Variants in MAP4K4 observed in about 807,000 individuals in gnomAD.
The protein encoded by MAP4K4 is HPK/GCK-like kinase HGK.
MAP4K4 carries 38 observed loss-of-function variants against 189.6 expected under a neutral mutation model. The ratio of observed to expected loss-of-function variants is 0.20; its 90% confidence interval spans 0.15 to 0.26. The LOEUF (loss-of-function observed/expected upper bound fraction) is 0.26. MAP4K4 is among the 10% of genes least tolerant of loss of function. MAP4K4 has a pLI of 1.00. For missense variants in MAP4K4, 1,054 were observed against 1,726.9 expected (o/e 0.61, Z 6.91); for synonymous variants, 610 against 624.3 (o/e 0.98, Z 0.34).
intron 2 of MAP4K4, among the ~76,000 whole-genome samples, chr2:101,740,130 T>C (rs1026733237): frequency 6.6e-6 from 1 of 151,128 alleles, no homozygotes. Context: ...CTTTCTTGGC[T>C]TCAAAGTTGC....
intron 3 of MAP4K4, among the ~76,000 whole-genome samples, chr2:101,820,904 T>C (rs577141769): frequency 2.0e-5 from 3 of 152,338 alleles, no homozygotes; most frequent in South Asian, 4.1e-4. Flanking sequence ...GATAAAACTT[T>C]TGAGGCATTA....
chr2:101,760,591 T>G (rs952001616), intron 2 of MAP4K4, among the ~76,000 whole-genome samples: 44 of 151,690 alleles, frequency 2.9e-4, no homozygotes, highest in African/African-American at 1.0e-3. Flanking sequence ...CTATTTTGGT[T>G]CTTAAAGTGG....
intron 32 of MAP4K4, 123 bp from the exon 33 acceptor site, chr2:101,891,043 G>T (rs188904511): frequency 2.8e-5 from 21 of 737,956 alleles, no homozygotes; most frequent in Middle Eastern, 3.7e-4. Context: ...CTTTTGAAAA[G>T]GCTCTTTGGG....
chr2:101,820,689 C>G (rs1330587087), intron 3 of MAP4K4, among the ~76,000 whole-genome samples: 1 of 152,172 alleles, frequency 6.6e-6, no homozygotes, highest in Non-Finnish European at 1.5e-5. Flanking sequence ...TTTTCAGGAG[C>G]CTGCCTGTCT....
rs1418053197 is a variant in MAP4K4 at position 101,888,862 on chromosome 2, C to T, written c.3998C>T (p.Thr1333Ile). Residue 1333 changes from threonine (T) to isoleucine (I), a missense_variant, in exon 32 of 33, where the codon ACT (threonine) becomes ATT (isoleucine). Thr to Ile is a moderately conservative substitution (Grantham distance 89, BLOSUM62 -1). Coordinates refer to ENST00000324219, the Ensembl canonical transcript of MAP4K4. ...GCCATAGAGATCCGATCTGTGGAAA[C>T]TGGTCACTTGGATGGTGTGTTCATG... is the stretch of plus-strand genomic sequence containing the variant. The T allele has an allele frequency of 1.9e-6, 3 of 1,613,578 alleles. No individual in the cohort carries two copies. The highest frequency in any genetic ancestry group is 1.3e-5 in the African/African-American group (1 of 74,906).
At chr2:101,717,692 C>T (rs977999889) in intron 2 of MAP4K4, among the ~76,000 whole-genome samples, 3 of 152,146 alleles carry the variant, frequency 2.0e-5, no homozygotes, top group African/African-American at 4.8e-5. Flanking sequence ...GAAACAGTCT[C>T]ACAAGCAATG....
At chr2:101,787,647 A>G (rs766058433) in intron 2 of MAP4K4, among the ~76,000 whole-genome samples, 1 of 152,150 alleles carries the variant, frequency 6.6e-6, no homozygotes, top group Non-Finnish European at 1.5e-5. Flanking sequence ...TCCTTAGCAC[A>G]CAATTATATG....
At chr2:101,750,685 C>A (rs927431878) in intron 2 of MAP4K4, among the ~76,000 whole-genome samples, 1 of 151,550 alleles carries the variant, frequency 6.6e-6, no homozygotes, top group African/African-American at 2.4e-5. Flanking sequence ...GTTAGCCAGG[C>A]GTGGTGGTGC....
chr2:101,784,264 GTGTGTGTGTGTGTGTGTGTGTGTA>G (rs1013180099), intron 2 of MAP4K4, among the ~76,000 whole-genome samples: 2 of 60,638 alleles, frequency 3.3e-5, no homozygotes, highest in South Asian at 3.6e-4. Context: ...GATGCTCTTC[GTGTGTGTGTGTGTGTGTGTGTGTA>G]TGTGTGTGTG....
In MAP4K4 at chr2:101,887,715, C is replaced by T. The variant is rs539350073; in HGVS notation, c.3772-63C>T. On this transcript the variant is annotated intron_variant, in intron 30 of 32. Coordinates refer to ENST00000324219, the Ensembl canonical transcript of MAP4K4. Reference sequence around the variant, plus strand: ...TGCATTCACTAAGAGTCTTACTGAGCACTTGCACAGGGCTGGAAATAACCA... The same window carrying T: ...TGCATTCACTAAGAGTCTTACTGAGTACTTGCACAGGGCTGGAAATAACCA... 7.4e-5 allele frequency: 99 copies of T among 1,331,384 alleles called. No individual in the cohort carries two copies. In the South Asian group the frequency reaches 1.4e-3, roughly 19 times the overall value. 82.5% of individuals were successfully genotyped at this position (1,331,384 alleles called of 1,614,324 possible). A position where few individuals can be genotyped will look rare whatever the true frequency, so the allele number is the denominator to read the frequency against.
intron 2 of MAP4K4, among the ~76,000 whole-genome samples, chr2:101,779,838 A>G (rs1044796287): frequency 1.9e-4 from 29 of 150,938 alleles, no homozygotes. Flanking sequence ...GAGGGACAAT[A>G]CAGTTATGCG....
intron 13 of MAP4K4, among the ~76,000 whole-genome samples, chr2:101,856,964 T>G (rs952787258): frequency 6.6e-6 from 1 of 152,244 alleles, no homozygotes; most frequent in African/African-American, 2.4e-5. Flanking sequence ...GTCTGCATGC[T>G]CCTCGGTGTT....
chr2:101,708,253 T>G (rs1350500162), intron 2 of MAP4K4, among the ~76,000 whole-genome samples: 2 of 152,244 alleles, frequency 1.3e-5, no homozygotes, highest in Non-Finnish European at 2.9e-5. Flanking sequence ...AACCAAAAGT[T>G]GTGTCTTTGA....
chr2:101,737,861 T>G (rs923625406), intron 2 of MAP4K4, among the ~76,000 whole-genome samples: 5 of 152,132 alleles, frequency 3.3e-5, no homozygotes, highest in Admixed American at 3.3e-4. Flanking sequence ...ACCTTTAACT[T>G]TCTCACCACA....
intron 17 of MAP4K4, 56 bp downstream of exon 17, chr2:101,864,107 T>A (rs1043564181): frequency 5.8e-6 from 6 of 1,027,590 alleles, no homozygotes; most frequent in Admixed American, 6.6e-5. Context: ...TATTTTTTTT[T>A]AAAGATTATT....
exon 33 of MAP4K4, chr2:101,892,701 G>C (rs1013846867): frequency 2.9e-6 from 1 of 341,428 alleles, no homozygotes; most frequent in South Asian, 2.3e-5. Flanking sequence ...CGAAGTCCTG[G>C]CTTTTCTCGT....
At chr2:101,891,774 CAAAG>C (rs1056307957) in exon 33 of MAP4K4, 2 of 147,650 alleles carry the variant, frequency 1.4e-5, no homozygotes, top group African/African-American at 5.1e-5. Flanking sequence ...GATATGTGGA[CAAAG>C]AAGAAGATGC....
intron 13 of MAP4K4, among the ~76,000 whole-genome samples, chr2:101,858,493 G>A (rs1035448929): frequency 6.6e-6 from 1 of 152,164 alleles, no homozygotes; most frequent in Non-Finnish European, 1.5e-5. Context: ...GTCATTCCAG[G>A]TGCCTTTGGA....
At chr2:101,892,872 A>G in exon 33 of MAP4K4, 1 of 456,428 alleles carries the variant, frequency 2.2e-6, no homozygotes, top group South Asian at 1.5e-5. Context: ...GGAAAGGATC[A>G]GGACTCCATG....
Sources: allele counts gnomAD v4.1 joint callset (sites outside exome capture counted in the v4.1 genomes callset), GRCh38; gene constraint gnomAD v4.1.1; transcripts MANE v1.5; gene names NCBI Gene and HGNC (gene_info 2026-07-23, HGNC 2026-07-21).